The following ZBBX variants were observed in gnomAD, a reference collection of about 807,000 sequenced individuals.
ZBBX encodes the protein zinc finger B-box domain containing.
A neutral mutation model predicts 108.5 loss-of-function variants in ZBBX; 101 were observed. That is an observed-to-expected ratio of 0.93 (90% CI 0.79 to 1.10). The LOEUF is 1.10. ZBBX is among the 50% of genes least tolerant of loss of function. The pLI is 0.00. For synonymous variants in ZBBX, 356 were observed against 323.4 expected (o/e 1.10, Z -1.08); for missense variants, 1,009 against 941.4 (o/e 1.07, Z -0.94).
chr3:167,321,002 T>C (rs979188344), intron 12 of ZBBX, among the ~76,000 whole-genome samples: 4 of 151,968 alleles, frequency 2.6e-5, no homozygotes, highest in African/African-American at 9.7e-5. Context: ...ATAGTGAAAA[T>C]GCTGATGATA....
intron 17 of ZBBX, among the ~76,000 whole-genome samples, chr3:167,302,909 A>C (rs1732979164): frequency 6.6e-6 from 1 of 152,188 alleles, no homozygotes; most frequent in Non-Finnish European, 1.5e-5. Context: ...AGCCTGCCTG[A>C]CCTTTGCCAG....
At chr3:167,302,222 T>C (rs1732816051) in intron 17 of ZBBX, among the ~76,000 whole-genome samples, 1 of 152,114 alleles carries the variant, frequency 6.6e-6, no homozygotes, top group Non-Finnish European at 1.5e-5. Context: ...TCTTTAAACT[T>C]ATTTGTATTG....
intron 9 of ZBBX, among the ~76,000 whole-genome samples, chr3:167,349,050 G>A (rs531445287): frequency 6.6e-6 from 1 of 152,096 alleles, no homozygotes; most frequent in East Asian, 1.9e-4. Flanking sequence ...GACAGGGAGG[G>A]AGAGAGAGCA....
chr3:167,338,483 ATAT>A (rs1370307132), intron 9 of ZBBX, among the ~76,000 whole-genome samples: 1 of 152,048 alleles, frequency 6.6e-6, no homozygotes, highest in African/African-American at 2.4e-5. Flanking sequence ...CCAGCAATAA[ATAT>A]TAATAATCAT....
chr3:167,275,894 A>C (rs1358014259), intron 20 of ZBBX, among the ~76,000 whole-genome samples: 1 of 152,212 alleles, frequency 6.6e-6, no homozygotes, highest in Non-Finnish European at 1.5e-5. Flanking sequence ...GCAGCTTTGA[A>C]GAGAGCAGTG....
At chr3:167,185,349 G>C in the ZBBX span, among the ~76,000 whole-genome samples, 1 of 152,112 alleles carries the variant, frequency 6.6e-6, no homozygotes, top group Non-Finnish European at 1.5e-5. Flanking sequence ...CCAAAGCTGA[G>C]GATGGGGACA....
chr3:167,325,098 T>C (rs1737122978), intron 11 of ZBBX, among the ~76,000 whole-genome samples: 1 of 152,184 alleles, frequency 6.6e-6, no homozygotes, highest in Non-Finnish European at 1.5e-5. Context: ...ATTTGTTTTT[T>C]ATTTCTTAAT....
chr3:167,274,748 GT>G (rs1727180980), intron 20 of ZBBX, among the ~76,000 whole-genome samples: 1 of 151,968 alleles, frequency 6.6e-6, no homozygotes, highest in Non-Finnish European at 1.5e-5. Context: ...TGTACCTCAC[GT>G]CCCCCTCCTT....
chr3:167,188,706 A>T, the ZBBX span, among the ~76,000 whole-genome samples: 1 of 152,216 alleles, frequency 6.6e-6, no homozygotes, highest in African/African-American at 2.4e-5. Context: ...TCTACATAAT[A>T]ACTTTCCTTT....
intron 10 of ZBBX, among the ~76,000 whole-genome samples, chr3:167,333,290 A>T (rs1449025262): frequency 6.6e-6 from 1 of 152,128 alleles, no homozygotes; most frequent in African/African-American, 2.4e-5. Context: ...TTTGAAGTTC[A>T]TTTCTTGCTA....
chr3:167,217,678 C>T, the ZBBX span, among the ~76,000 whole-genome samples: 1 of 152,040 alleles, frequency 6.6e-6, no homozygotes, highest in South Asian at 2.1e-4. Context: ...TTCATTGCAG[C>T]ACTATTCACA....
chr3:167,189,594 A>G, the ZBBX span, among the ~76,000 whole-genome samples: 8 of 152,328 alleles, frequency 5.3e-5, no homozygotes, highest in South Asian at 1.0e-3. Context: ...CTTTTTCAGA[A>G]TATTGTCTAC....
the ZBBX span, among the ~76,000 whole-genome samples, chr3:167,234,288 C>A: frequency 6.6e-6 from 1 of 151,376 alleles, no homozygotes; most frequent in Non-Finnish European, 1.5e-5. Context: ...TACAAAATAC[C>A]CTAATATTGG....
rs1482288810 is a variant in ZBBX at position 167,368,506 on chromosome 3, A to G, written c.137T>C (p.Leu46Pro). ...GTTTCTTGTGGATCGGAATTCTTGCAGTTTCTTCTCCATCTCTTGGTTCTC... is the reference window on the plus strand; with the variant it reads ...GTTTCTTGTGGATCGGAATTCTTGCGGTTTCTTCTCCATCTCTTGGTTCTC... Reference protein sequence around the residue: ...EFENQEMEKKLQEFRSTRNKE... With the variant: ...EFENQEMEKKPQEFRSTRNKE... Residue 46 changes from leucine to proline, a missense_variant, in exon 5 of 22, where the codon CTG becomes CCG. By Grantham distance (98) the Leu-to-Pro change is moderately conservative. Transcript: ENST00000675490. 4.3e-6 allele frequency: 7 copies of G among 1,612,272 alleles called. No homozygotes were observed. The highest frequency in any genetic ancestry group is 5.9e-6 in the Non-Finnish European group (7 of 1,178,956).
the ZBBX span, among the ~76,000 whole-genome samples, chr3:167,185,878 C>T: frequency 3.4e-4 from 52 of 152,104 alleles, no homozygotes; most frequent in African/African-American, 1.3e-3. Context: ...TTAGCCTTTC[C>T]TCATTGGTGG....
chr3:167,390,731 TA>T (rs1231395795), intron 1 of ZBBX, among the ~76,000 whole-genome samples: 1 of 152,070 alleles, frequency 6.6e-6, no homozygotes, highest in Non-Finnish European at 1.5e-5. Context: ...TATTCCTAGG[TA>T]TTTTATTTTC....
At position 167,305,765 on chromosome 3, in the gene ZBBX, T is replaced by C. The variant is rs773843083; in HGVS notation, c.1603A>G (p.Arg535Gly). 2.0e-5 allele frequency: 33 copies of C among 1,612,874 alleles called. No homozygotes were observed. Among genetic ancestry groups the C allele is most frequent in the Non-Finnish European group, 2.6e-5 (31 of 1,179,522 alleles). The change falls in exon 17 of 22, where the codon AGA becomes GGA. Residue 535 changes from arginine to glycine, a missense_variant. Coordinates refer to ENST00000675490, the MANE Select transcript of ZBBX (RefSeq NM_001199201.2). ...TCAATGGGAGCTTTTTCTAAATCTC[T>C]ACCTAGCAAAGTGTCCTTGCTTTCA... ...SLESKDTLLGRDLEKAPIEEK... is the reference protein window; with the variant it reads ...SLESKDTLLGGDLEKAPIEEK...
At chr3:167,354,354 C>T (rs532143220) in intron 8 of ZBBX, among the ~76,000 whole-genome samples, 8 of 151,644 alleles carry the variant, frequency 5.3e-5, no homozygotes, top group Admixed American at 4.6e-4. Context: ...CCATTTATAT[C>T]GAAAAACCTT....
At chr3:167,271,054 G>A (rs1457222209) in intron 20 of ZBBX, among the ~76,000 whole-genome samples, 2 of 152,204 alleles carry the variant, frequency 1.3e-5, no homozygotes, top group Admixed American at 6.5e-5. Context: ...AAGAAATAGA[G>A]TCAGGCAAAT....
Sources: gnomAD v4.1 joint callset for allele counts (sites outside exome capture counted in the v4.1 genomes callset) on GRCh38, gnomAD v4.1.1 for gene constraint, MANE v1.5 for transcripts, NCBI Gene and HGNC (gene_info 2026-07-23, HGNC 2026-07-21) for gene names.